The following CSMD1 variants were observed in gnomAD, a reference collection of about 807,000 sequenced individuals.
CSMD1 encodes the protein CUB and Sushi multiple domains 1, also known as CUB and sushi domain-containing protein 1.
A neutral mutation model predicts 417.5 loss-of-function variants in CSMD1; 213 were observed. That is an observed-to-expected ratio of 0.51 (90% confidence interval 0.46 to 0.57). The LOEUF (loss-of-function observed/expected upper bound fraction) is 0.57, where lower values mean the gene tolerates loss of function less well. Among genes scored for constraint, CSMD1 ranks in the 20% least tolerant of loss-of-function variants. The pLI is 0.00. For synonymous variants in CSMD1, 2,862 were observed against 1,736.8 expected (o/e 1.65, Z -16.11); for missense variants, 6,923 against 4,529.7 (o/e 1.53, Z -15.17).
intron 2 of CSMD1, among the ~76,000 whole-genome samples, chr8:4,453,968 C>T (rs910666792): frequency 1.3e-5 from 2 of 151,414 alleles, no homozygotes; most frequent in African/African-American, 4.9e-5. Context: ...ACTACAGGCG[C>T]CCGCCACCGC....
chr8:3,163,877 A>C (rs906359529), intron 37 of CSMD1, among the ~76,000 whole-genome samples: 2 of 152,136 alleles, frequency 1.3e-5, no homozygotes, highest in East Asian at 1.9e-4. Context: ...TATTAAACAA[A>C]AGGCAAAGTG....
rs547740908 is a variant in CSMD1, at chr8:4,673,461, G to C, written c.86-35903C>G. Among the ~76,000 whole-genome samples, 5 of 152,140 alleles carry C rather than the reference G, an allele frequency of 3.3e-5. No individual in the cohort carries two copies. The South Asian group carries it at 8.3e-4, about 25-fold the overall frequency. On this transcript the variant is annotated intron_variant, in intron 1 of 69. Transcript: ENST00000635120. ...TGTTGAGGCACACTTGATATCATTG[G>C]CCACATTATCTAAAACCTCAGGAAA...
chr8:3,004,144 A>AT (rs1310573723), intron 52 of CSMD1, among the ~76,000 whole-genome samples: 1 of 152,204 alleles, frequency 6.6e-6, no homozygotes, highest in Non-Finnish European at 1.5e-5. Context: ...TCAAAACCAA[A>AT]TATCATCTAG....
chr8:3,980,837 T>G (rs886131215), intron 5 of CSMD1, among the ~76,000 whole-genome samples: 3 of 152,288 alleles, frequency 2.0e-5, no homozygotes, highest in African/African-American at 4.8e-5. Context: ...CTCCCAGCAG[T>G]TGGCTACTTT....
At chr8:4,189,326 G>T (rs1179855626) in intron 3 of CSMD1, among the ~76,000 whole-genome samples, 1 of 152,118 alleles carries the variant, frequency 6.6e-6, no homozygotes, top group Admixed American at 6.5e-5. Flanking sequence ...GAAGCCTGGT[G>T]CCAACTGTGT....
At chr8:4,646,382 A>G (rs1473928335) in intron 1 of CSMD1, among the ~76,000 whole-genome samples, 1 of 152,184 alleles carries the variant, frequency 6.6e-6, no homozygotes, top group African/African-American at 2.4e-5. Flanking sequence ...TCTTGCTTTA[A>G]TACGGGTGAA....
chr8:3,632,161 T>TA (rs1796813943), intron 7 of CSMD1, among the ~76,000 whole-genome samples: 1 of 152,206 alleles, frequency 6.6e-6, no homozygotes, highest in Admixed American at 6.6e-5. Context: ...GGATTTATTT[T>TA]AAAAAATTCA....
At chr8:3,431,845 C>G (rs1009995154) in intron 12 of CSMD1, among the ~76,000 whole-genome samples, 23 of 152,204 alleles carry the variant, frequency 1.5e-4, no homozygotes, top group African/African-American at 5.5e-4. Flanking sequence ...TCATTTCCTA[C>G]CAGCCTGCCA....
At chr8:4,167,710 C>A (rs1797532254) in intron 3 of CSMD1, among the ~76,000 whole-genome samples, 2 of 152,124 alleles carry the variant, frequency 1.3e-5, no homozygotes, top group South Asian at 4.1e-4. Flanking sequence ...AATAGTCAGG[C>A]TGGGTGCAGT....
intron 11 of CSMD1, among the ~76,000 whole-genome samples, chr8:3,492,331 T>C (rs529947873): frequency 6.6e-6 from 1 of 152,084 alleles, no homozygotes; most frequent in Non-Finnish European, 1.5e-5. Context: ...TGGCTCCCCA[T>C]GGGTGTCTCA....
chr8:4,393,127 C>T (rs1272099380), intron 3 of CSMD1, among the ~76,000 whole-genome samples: 1 of 152,016 alleles, frequency 6.6e-6, no homozygotes, highest in Non-Finnish European at 1.5e-5. Context: ...AGGCGTGTGC[C>T]ACCACGCCCG....
intron 1 of CSMD1, among the ~76,000 whole-genome samples, chr8:4,782,284 C>G (rs555352575): frequency 6.6e-6 from 1 of 152,054 alleles, no homozygotes; most frequent in African/African-American, 2.4e-5. Context: ...AAAGATAAAC[C>G]TTTGAGATGA....
chr8:4,271,015 G>A (rs535687607), intron 3 of CSMD1, among the ~76,000 whole-genome samples: 55 of 152,296 alleles, frequency 3.6e-4, no homozygotes, highest in Non-Finnish European at 3.8e-4. Context: ...ATGAGAGCAG[G>A]TCCTAGTGGG....
At chr8:4,453,683 G>A (rs1035441180) in intron 2 of CSMD1, among the ~76,000 whole-genome samples, 1 of 151,982 alleles carries the variant, frequency 6.6e-6, no homozygotes, top group South Asian at 2.1e-4. Context: ...GCAGTCTACA[G>A]ACCATGCCTG....
intron 3 of CSMD1, among the ~76,000 whole-genome samples, chr8:4,321,223 A>T (rs1042200543): frequency 1.3e-4 from 20 of 152,116 alleles, no homozygotes; most frequent in Admixed American, 4.6e-4. Context: ...GAACACGTTC[A>T]TGAGGCGTGC....
intron 25 of CSMD1, among the ~76,000 whole-genome samples, chr8:3,287,086 T>G (rs1803217277): frequency 6.6e-6 from 1 of 152,086 alleles, no homozygotes; most frequent in East Asian, 1.9e-4. Flanking sequence ...AGGGAATGCT[T>G]TCCCCATTGC....
chr8:2,984,221 A>G (rs1805659772), intron 54 of CSMD1, among the ~76,000 whole-genome samples: 1 of 152,162 alleles, frequency 6.6e-6, no homozygotes, highest in South Asian at 2.1e-4. Flanking sequence ...ACGTCTGTCA[A>G]ATTCTGCTCA....
intron 3 of CSMD1, among the ~76,000 whole-genome samples, chr8:4,046,619 T>TGG (rs748537782): frequency 0.11 from 15,996 of 152,146 alleles, 254 homozygotes; most frequent in East Asian, 0.3. Context: ...TGAGTCTTGA[T>TGG]AATTCCATCA....
rs185612104 is a variant in CSMD1, at chr8:4,256,111, C to T, written c.415+163842G>A. 3.4e-3 allele frequency among the ~76,000 whole-genome samples: 512 copies of T among 152,302 alleles called. 9 individuals carry two copies. Among genetic ancestry groups the T allele is most frequent in the African/African-American group, 0.012 (507 of 41,540 alleles). On this transcript the variant is annotated intron_variant, in intron 3 of 69. Coordinates refer to ENST00000635120, the MANE Select transcript of CSMD1 (RefSeq NM_033225.6). ...GGTGAATCCCAGACTACTTTGCTCC[C>T]CTGCAAAATGCTTTCTGAGCAGTAC...
Sources: gnomAD v4.1 joint callset for allele counts (sites outside exome capture counted in the v4.1 genomes callset) on GRCh38, gnomAD v4.1.1 for gene constraint, MANE v1.5 for transcripts, NCBI Gene and HGNC (gene_info 2026-07-23, HGNC 2026-07-21) for gene names.